The following MAGI2 variants were observed in gnomAD, a reference collection of about 807,000 sequenced individuals.
MAGI2 encodes membrane associated guanylate kinase, WW and PDZ domain containing 2.
Under a neutral mutation model 133.3 loss-of-function variants are expected in MAGI2, and 35 were observed. That is an observed-to-expected ratio of 0.26 (90% CI 0.20 to 0.35). MAGI2 has a LOEUF of 0.35. MAGI2 is among the 10% of genes least tolerant of loss of function. The pLI, the probability that MAGI2 is intolerant of heterozygous loss-of-function variation, is 1.00. For missense variants in MAGI2, 1,636 were observed against 1,863.4 expected, an observed-to-expected ratio of 0.88 and a Z score of 2.25; for synonymous variants, 729 against 710.6, an observed-to-expected ratio of 1.03 and a Z score of -0.41.
chr7:79,014,386 C>A (rs994542068), intron 1 of MAGI2, among the ~76,000 whole-genome samples: 1 of 152,006 alleles, frequency 6.6e-6, no homozygotes, highest in African/African-American at 2.4e-5. Context: ...ATTTTATTAT[C>A]TGAAAATATG....
At chr7:78,471,163 C>T (rs1371350934) in intron 6 of MAGI2, among the ~76,000 whole-genome samples, 1 of 152,132 alleles carries the variant, frequency 6.6e-6, no homozygotes, top group Non-Finnish European at 1.5e-5. Context: ...GAAGACCATA[C>T]ATAGGATGAT....
At chr7:78,466,636 C>A (rs987166741) in intron 6 of MAGI2, among the ~76,000 whole-genome samples, 5 of 151,986 alleles carry the variant, frequency 3.3e-5, no homozygotes, top group African/African-American at 1.2e-4. Flanking sequence ...TGTAGGGAAA[C>A]CTGGCTGGAA....
intron 9 of MAGI2, among the ~76,000 whole-genome samples, chr7:78,285,341 C>A (rs1796035230): frequency 6.6e-6 from 1 of 151,808 alleles, no homozygotes; most frequent in Non-Finnish European, 1.5e-5. Flanking sequence ...AATTATTTTA[C>A]CTCTCTCAGT....
At chr7:78,757,731 C>G (rs997889226) in intron 2 of MAGI2, among the ~76,000 whole-genome samples, 2 of 152,114 alleles carry the variant, frequency 1.3e-5, no homozygotes, top group Non-Finnish European at 2.9e-5. Flanking sequence ...ACTTCTTGGT[C>G]TCTTTTGCAT....
intron 1 of MAGI2, among the ~76,000 whole-genome samples, chr7:79,235,379 G>A (rs909015950): frequency 8.6e-4 from 131 of 152,200 alleles, no homozygotes; most frequent in South Asian, 2.3e-3. Context: ...AATGGCGGGC[G>A]CCCCTCCCCC....
chr7:78,839,144 A>G (rs1469321330), intron 2 of MAGI2, among the ~76,000 whole-genome samples: 1 of 152,044 alleles, frequency 6.6e-6, no homozygotes, highest in Non-Finnish European at 1.5e-5. Flanking sequence ...AAAAAGAAAG[A>G]GAGTAAAGGT....
intron 1 of MAGI2, among the ~76,000 whole-genome samples, chr7:79,103,168 C>T (rs763049672): frequency 9.9e-5 from 15 of 152,202 alleles, no homozygotes; most frequent in Non-Finnish European, 2.2e-4. Context: ...AAAAGATTTA[C>T]TTTTTAGAAC....
intron 1 of MAGI2, among the ~76,000 whole-genome samples, chr7:79,161,094 T>G (rs1331653860): frequency 6.6e-6 from 1 of 151,808 alleles, no homozygotes; most frequent in Non-Finnish European, 1.5e-5. Context: ...TAATTATAAT[T>G]ATAAAAATTA....
At chr7:78,756,733 C>T (rs573780041) in intron 2 of MAGI2, among the ~76,000 whole-genome samples, 1 of 152,270 alleles carries the variant, frequency 6.6e-6, no homozygotes, top group African/African-American at 2.4e-5. Flanking sequence ...CTTCAATATG[C>T]TGATCTCTCA....
At chr7:78,416,117 C>G (rs553743319) in intron 6 of MAGI2, among the ~76,000 whole-genome samples, 1 of 152,190 alleles carries the variant, frequency 6.6e-6, no homozygotes, top group African/African-American at 2.4e-5. Context: ...TCTGAAGCAA[C>G]AACATCAAGG....
chr7:79,229,793 A>T (rs928486409), intron 1 of MAGI2, among the ~76,000 whole-genome samples: 5 of 151,372 alleles, frequency 3.3e-5, no homozygotes, highest in South Asian at 2.1e-4. Flanking sequence ...TTTTTTTAAA[A>T]ATTTTTTTTT....
intron 2 of MAGI2, among the ~76,000 whole-genome samples, chr7:78,904,625 G>A (rs532485913): frequency 4.0e-5 from 6 of 150,842 alleles, no homozygotes; most frequent in African/African-American, 1.5e-4. Context: ...AGCCTCCTGA[G>A]GACTACACCT....
intron 14 of MAGI2, among the ~76,000 whole-genome samples, chr7:78,176,908 G>GACTCTC (rs781171770): frequency 6.1e-5 from 8 of 130,486 alleles, no homozygotes; most frequent in African/African-American, 1.7e-4. Context: ...ACCATATATA[G>GACTCTC]ACACACACAC....
intron 2 of MAGI2, among the ~76,000 whole-genome samples, chr7:78,898,943 C>A (rs369326391): frequency 2.6e-5 from 4 of 152,002 alleles, no homozygotes; most frequent in Non-Finnish European, 5.9e-5. Flanking sequence ...TGTTATTGCA[C>A]GTATTTTTTC....
In MAGI2 at chr7:78,019,032, A is replaced by C. The variant is rs1395339303; in HGVS notation, c.*283T>G. Reference sequence around the variant, plus strand: ...TTTTTTTTTCTTAAACTAAAGCTACACTGCACTGTCTCTCTGTGATGTTCT... The same window carrying C: ...TTTTTTTTTCTTAAACTAAAGCTACCCTGCACTGTCTCTCTGTGATGTTCT... On this transcript the variant is annotated 3_prime_UTR_variant, in exon 22 of 22. Transcript: ENST00000354212. The C allele has an allele frequency of 2.9e-5, 12 of 417,562 alleles. No homozygotes were observed. The highest frequency in any genetic ancestry group is 5.1e-5 in the Non-Finnish European group (12 of 236,930). 25.9% of individuals were successfully genotyped at this position (417,562 alleles called of 1,614,324 possible).
intron 1 of MAGI2, among the ~76,000 whole-genome samples, chr7:79,286,984 T>C (rs1424661448): frequency 1.3e-5 from 2 of 152,108 alleles, no homozygotes; most frequent in East Asian, 1.9e-4. Flanking sequence ...TATTCCTATC[T>C]TGAGATTACC....
intron 1 of MAGI2, among the ~76,000 whole-genome samples, chr7:79,258,019 T>G (rs1243027413): frequency 3.3e-5 from 5 of 152,202 alleles, no homozygotes; most frequent in African/African-American, 7.2e-5. Context: ...TTTCTTAAAC[T>G]TCGCAACCAT....
intron 1 of MAGI2, among the ~76,000 whole-genome samples, chr7:79,044,586 G>C (rs1811995640): frequency 6.6e-6 from 1 of 152,098 alleles, no homozygotes; most frequent in Non-Finnish European, 1.5e-5. Context: ...AATTGGGCAA[G>C]AGAAAGAAAT....
intron 2 of MAGI2, among the ~76,000 whole-genome samples, chr7:78,651,966 C>T (rs1811623065): frequency 3.6e-5 from 1 of 27,802 alleles, no homozygotes; most frequent in African/African-American, 3.2e-4. Context: ...GGTGTAAACA[C>T]CATTGAAACA....
Sources: gnomAD v4.1 joint callset for allele counts (sites outside exome capture counted in the v4.1 genomes callset) on GRCh38, gnomAD v4.1.1 for gene constraint, MANE v1.5 for transcripts, NCBI Gene and HGNC (gene_info 2026-07-23, HGNC 2026-07-21) for gene names.